Variants in ADD1 observed in about 807,000 individuals in gnomAD.
ADD1 encodes alpha-adducin.
ADD1 carries 24 observed loss-of-function variants against 80.5 expected under a neutral mutation model. The ratio of observed to expected loss-of-function variants is 0.30; its 90% CI spans 0.22 to 0.42. The LOEUF is 0.42. ADD1 is among the 10% of genes least tolerant of loss of function. The pLI, the probability that ADD1 is intolerant of heterozygous loss-of-function variation, is 1.00. For missense variants in ADD1, 948 were observed against 1,019.0 expected (o/e 0.93, Z 0.95); for synonymous variants, 373 against 393.8 (o/e 0.95, Z 0.63).
At chr4:2,918,540 C>G (rs551268003) in intron 14 of ADD1, among the ~76,000 whole-genome samples, 18 of 152,180 alleles carry the variant, frequency 1.2e-4, no homozygotes, top group Non-Finnish European at 2.5e-4. Context: ...GCCAGAACTT[C>G]TAATAGTATG....
At chr4:2,898,790 T>C in intron 8 of ADD1, 1 of 477,392 alleles carries the variant, frequency 2.1e-6, no homozygotes, top group South Asian at 2.2e-5. Flanking sequence ...AGTACTGGTG[T>C]GTATAGGCCT....
rs1328673387 is a variant in ADD1, at chr4:2,866,496, T to A, written c.-20-9400T>A. ...TGGCCTGGAGGTTATTTTAAATCGT[T>A]TTTTTTTTTTGGGATGAAAACAAAT... On this transcript the variant is annotated intron_variant, in intron 1 of 15. Transcript: ENST00000683351. 3.5e-4 allele frequency among the ~76,000 whole-genome samples: 13 copies of A among 36,660 alleles called. No individual in the cohort carries two copies. The South Asian group carries it at 5.7e-3, about 16-fold the overall frequency. The allele number at this position is 36,660 out of a possible 152,430, so 24.1% of individuals were successfully genotyped here. A position where few individuals can be genotyped will look rare whatever the true frequency, so the allele number is the denominator to read the frequency against.
intron 4 of ADD1, among the ~76,000 whole-genome samples, chr4:2,888,054 G>GTTA (rs528019059): frequency 0.016 from 2,422 of 151,810 alleles, 55 homozygotes; most frequent in African/African-American, 0.049. Flanking sequence ...TAATTACAGC[G>GTTA]TTATTATTAT....
chr4:2,849,467 A>G (rs1319145507), intron 1 of ADD1, among the ~76,000 whole-genome samples: 3 of 152,152 alleles, frequency 2.0e-5, no homozygotes, highest in African/African-American at 7.2e-5. Flanking sequence ...GTCCACAGGT[A>G]TATCTCAAAT....
chr4:2,869,161 A>G (rs1489208045), intron 1 of ADD1, among the ~76,000 whole-genome samples: 2 of 152,100 alleles, frequency 1.3e-5, no homozygotes, highest in African/African-American at 4.8e-5. Flanking sequence ...TGAGTTTCCT[A>G]GAGCTGCTGT....
intron 2 of ADD1, among the ~76,000 whole-genome samples, chr4:2,876,726 C>T (rs188459542): frequency 0.017 from 2,639 of 151,940 alleles, 54 homozygotes; most frequent in African/African-American, 0.045. Flanking sequence ...GTAGTCCCAG[C>T]AACTCGGGAG....
intron 1 of ADD1, chr4:2,844,564 C>G (rs973151517): frequency 1.3e-5 from 2 of 152,248 alleles, no homozygotes; most frequent in Non-Finnish European, 1.5e-5. Context: ...CCCTCCCTCT[C>G]TTTTCTTTTT....
At position 2,896,473 on chromosome 4, in the gene ADD1, T is replaced by C. The variant is rs1577615667; in HGVS notation, c.742-1711T>C. Among the ~76,000 whole-genome samples, 3 of 151,864 alleles carry C rather than the reference T, an allele frequency of 2.0e-5. No individual in the cohort carries two copies. The East Asian group carries it at 5.9e-4, about 30-fold the overall frequency. On this transcript the variant is annotated intron_variant, in intron 6 of 15. Transcript: ENST00000683351. ...ATCTGCCCACCTTGGCCTCCCAAAG[T>C]GCTGGGATTACAGGCATGAGCCACC...
intron 1 of ADD1, among the ~76,000 whole-genome samples, chr4:2,855,238 C>T (rs1310211270): frequency 6.6e-6 from 1 of 152,190 alleles, no homozygotes; most frequent in Admixed American, 6.5e-5. Context: ...GGGACCGTTA[C>T]TCAGCTTACT....
At chr4:2,917,206 C>T (rs186800262) in intron 14 of ADD1, among the ~76,000 whole-genome samples, 16 of 152,160 alleles carry the variant, frequency 1.1e-4, no homozygotes, top group African/African-American at 3.9e-4. Flanking sequence ...GTTGTTTCCT[C>T]GCTTTTTAAT....
At chr4:2,880,132 C>T (rs1208677556) in intron 2 of ADD1, among the ~76,000 whole-genome samples, 2 of 152,128 alleles carry the variant, frequency 1.3e-5, no homozygotes, top group Non-Finnish European at 2.9e-5. Flanking sequence ...TGCTTGCAGT[C>T]AGAGTACCTC....
At chr4:2,920,355 G>A (rs917293899) in intron 14 of ADD1, among the ~76,000 whole-genome samples, 7 of 152,166 alleles carry the variant, frequency 4.6e-5, no homozygotes, top group Admixed American at 4.6e-4. Flanking sequence ...AGGTCCGCAT[G>A]GTCCAGAGCT....
At chr4:2,847,874 A>C (rs1332376227) in intron 1 of ADD1, among the ~76,000 whole-genome samples, 1 of 152,214 alleles carries the variant, frequency 6.6e-6, no homozygotes. Context: ...TAAGGAGGCA[A>C]CCAGATATGC....
intron 13 of ADD1, among the ~76,000 whole-genome samples, chr4:2,911,446 A>ATTT (rs1242451797): frequency 1.6e-5 from 2 of 126,916 alleles, no homozygotes; most frequent in African/African-American, 3.2e-5. Context: ...ATATATATAT[A>ATTT]TATTTTTTTT....
chr4:2,912,082 C>T (rs967197475), intron 13 of ADD1, among the ~76,000 whole-genome samples: 1 of 152,204 alleles, frequency 6.6e-6, no homozygotes, highest in East Asian at 1.9e-4. Flanking sequence ...AGAGGTCAGC[C>T]GCTAGTGCAG....
chr4:2,857,340 C>T (rs866309457), intron 1 of ADD1, among the ~76,000 whole-genome samples: 52 of 152,132 alleles, frequency 3.4e-4, no homozygotes, highest in African/African-American at 1.2e-3. Flanking sequence ...TGTGGTGGTG[C>T]TCCTGCAGTC....
intron 1 of ADD1, among the ~76,000 whole-genome samples, chr4:2,874,478 G>A (rs1357729823): frequency 2.0e-5 from 3 of 151,614 alleles, no homozygotes; most frequent in African/African-American, 2.4e-5. Flanking sequence ...GTGGTGGCAC[G>A]TGCCTGTAAT....
intron 9 of ADD1, chr4:2,902,105 ATTAC>A (rs1736293637): frequency 6.6e-6 from 1 of 152,158 alleles, no homozygotes; most frequent in South Asian, 2.1e-4. Context: ...AGGTCTGAGT[ATTAC>A]TTCTGGTTTT....
chr4:2,894,925 T>G (rs1466817800), intron 6 of ADD1, among the ~76,000 whole-genome samples, 194 bp downstream of exon 6: 1 of 152,196 alleles, frequency 6.6e-6, no homozygotes, highest in Admixed American at 6.5e-5. Context: ...TATATCCCAT[T>G]TAATTTGGAA....
Sources: gnomAD v4.1 joint callset for allele counts (sites outside exome capture counted in the v4.1 genomes callset) on GRCh38, gnomAD v4.1.1 for gene constraint, MANE v1.5 for transcripts, NCBI Gene and HGNC (gene_info 2026-07-23, HGNC 2026-07-21) for gene names.